CEMIP2: variants seen among roughly 807,000 people sequenced by gnomAD.
The protein encoded by CEMIP2 is cell migration inducing hyaluronidase 2.
In CEMIP2, 79 loss-of-function variants were observed where a neutral mutation model predicts 146.9. That is an observed-to-expected ratio of 0.54 (90% CI 0.45 to 0.65). The LOEUF is 0.65. Ranked by LOEUF, CEMIP2 falls within the 30% of genes least tolerant of loss-of-function variation. CEMIP2 has a pLI of 0.00. For missense variants in CEMIP2, 1,596 were observed against 1,696.2 expected, an observed-to-expected ratio of 0.94 and a Z score of 1.04; for synonymous variants, 601 against 606.3, an observed-to-expected ratio of 0.99 and a Z score of 0.13.
At chr9:71,739,920 T>G (rs112643618) in intron 5 of CEMIP2, 143 bp downstream of exon 5, 14,806 of 757,068 alleles carry the variant, frequency 0.02, 213 homozygotes, top group Non-Finnish European at 0.025. Flanking sequence ...TTAAGCACAG[T>G]AGGAAAACTA....
intron 12 of CEMIP2, among the ~76,000 whole-genome samples, chr9:71,721,059 T>C (rs1296956422): frequency 6.6e-6 from 1 of 152,072 alleles, no homozygotes; most frequent in East Asian, 1.9e-4. Context: ...TATTCACATA[T>C]ATACACATAC....
intron 21 of CEMIP2, among the ~76,000 whole-genome samples, chr9:71,692,260 A>G (rs1822251457): frequency 6.6e-6 from 1 of 151,602 alleles, no homozygotes; most frequent in Admixed American, 6.6e-5. Flanking sequence ...ACAGAGTCAA[A>G]CAATGTTTTC....
intron 4 of CEMIP2, among the ~76,000 whole-genome samples, chr9:71,742,759 C>T (rs950816400): frequency 6.6e-6 from 1 of 152,188 alleles, no homozygotes; most frequent in East Asian, 1.9e-4. Context: ...CATGCTTCCA[C>T]TCCTAGGTTT....
Position 71,725,572 on chromosome 9 carries a change from G to A in CEMIP2, c.2178+9C>T, listed in dbSNP as rs1490324715. 1 of 1,612,980 alleles carries A rather than the reference G, an allele frequency of 6.2e-7. No homozygotes were observed. Among genetic ancestry groups the A allele is most frequent in the East Asian group, 2.2e-5 (1 of 44,872 alleles). On this transcript the variant is annotated intron_variant, in intron 11 of 23. Transcript: ENST00000377044. ...CATATGTACTAATTGTTAAAACTTA[G>A]AAACCTACCTTAAAATTTGAATGGA... is the stretch of plus-strand genomic sequence containing the variant.
chr9:71,693,361 G>A (rs1266951920), intron 21 of CEMIP2, among the ~76,000 whole-genome samples: 3 of 152,208 alleles, frequency 2.0e-5, no homozygotes, highest in South Asian at 2.1e-4. Context: ...GTTCTCAGTG[G>A]CTAACCTTGC....
chr9:71,706,212 A>G (rs1031305314), intron 17 of CEMIP2, among the ~76,000 whole-genome samples: 9 of 150,002 alleles, frequency 6.0e-5, no homozygotes, highest in Non-Finnish European at 1.0e-4. Context: ...CTGGGTAACA[A>G]AAACAAAACT....
intron 10 of CEMIP2, among the ~76,000 whole-genome samples, chr9:71,728,320 T>TATATACAC (rs1823509811): frequency 3.0e-5 from 2 of 66,334 alleles, no homozygotes; most frequent in African/African-American, 1.4e-4. Context: ...TATATATACG[T>TATATACAC]ATATATATAT....
chr9:71,730,592 T>C, intron 8 of CEMIP2, 113 bp downstream of exon 8: 1 of 1,135,612 alleles, frequency 8.8e-7, no homozygotes, highest in South Asian at 1.6e-5. Context: ...AAAGGCAGGA[T>C]AGAGCAAGGC....
At chr9:71,696,394 G>T (rs4745115) in intron 20 of CEMIP2, among the ~76,000 whole-genome samples, 135,191 of 151,886 alleles carry the variant, frequency 0.89, 60,338 homozygotes, top group East Asian at 1. Flanking sequence ...CTGGTTGGTT[G>T]ATTTTTGATT....
intron 1 of CEMIP2, among the ~76,000 whole-genome samples, chr9:71,754,475 T>C (rs978034838): frequency 6.6e-6 from 1 of 152,196 alleles, no homozygotes; most frequent in Non-Finnish European, 1.5e-5. Context: ...TCAGTTTGTA[T>C]CACATGTTAT....
At chr9:71,723,354 TTA>T (rs1823296743) in intron 11 of CEMIP2, among the ~76,000 whole-genome samples, 1 of 96,416 alleles carries the variant, frequency 1.0e-5, no homozygotes. Context: ...GAAAGAGAAT[TTA>T]AAAAAAAAAA....
chr9:71,711,593 A>G (rs946819119), intron 16 of CEMIP2, among the ~76,000 whole-genome samples: 11 of 149,710 alleles, frequency 7.3e-5, no homozygotes, highest in African/African-American at 2.7e-4. Flanking sequence ...CCTGCCTCAA[A>G]GAAAAAAAAA....
intron 22 of CEMIP2, 130 bp from the exon 23 acceptor site, chr9:71,685,976 A>C (rs914864653): frequency 4.5e-6 from 3 of 673,826 alleles, no homozygotes; most frequent in Non-Finnish European, 7.5e-6. Context: ...AAAAGAAAAA[A>C]GTCTAGATGA....
intron 22 of CEMIP2, chr9:71,686,081 G>A (rs574716807): frequency 6.4e-5 from 29 of 453,516 alleles, no homozygotes; most frequent in Non-Finnish European, 9.5e-5. Flanking sequence ...AATCATTTAC[G>A]TACGTTCACC....
chr9:71,744,431 C>CT (rs143796533), intron 4 of CEMIP2, among the ~76,000 whole-genome samples: 10,079 of 152,124 alleles, frequency 0.066, 481 homozygotes, highest in South Asian at 0.19. Flanking sequence ...GAAATGAATT[C>CT]TACTATCTGG....
rs138607444 is a variant in CEMIP2 at position 71,734,294 on chromosome 9, G to T, written c.1393+512C>A. On this transcript the variant is annotated intron_variant, in intron 6 of 23. Coordinates refer to ENST00000377044, the MANE Select transcript of CEMIP2 (RefSeq NM_013390.3). ...TAAGAAATACTTCTATTAATAAATG[G>T]ATCTAATTCATCATTGGGTTTACTA... is the stretch of plus-strand genomic sequence containing the variant. 5.5e-3 allele frequency among the ~76,000 whole-genome samples: 833 copies of T among 151,548 alleles called. 2 individuals carry two copies. Among genetic ancestry groups the T allele is most frequent in the Non-Finnish European group, 9.4e-3 (639 of 67,920 alleles).
chr9:71,768,823 G>C (rs1824883701), upstream of CEMIP2: 1 of 150,310 alleles, frequency 6.7e-6, no homozygotes, highest in Admixed American at 6.6e-5. Flanking sequence ...CGGGCGCCGC[G>C]GCTTGCTAGG....
intron 13 of CEMIP2, among the ~76,000 whole-genome samples, chr9:71,717,350 C>T (rs990716026): frequency 2.0e-5 from 3 of 151,918 alleles, no homozygotes; most frequent in Non-Finnish European, 4.4e-5. Flanking sequence ...GATGAAAAAA[C>T]TCAGAAATGA....
chr9:71,759,265 T>C (rs1284954898), intron 1 of CEMIP2, among the ~76,000 whole-genome samples: 1 of 152,198 alleles, frequency 6.6e-6, no homozygotes, highest in Non-Finnish European at 1.5e-5. Flanking sequence ...ATCAGACTTC[T>C]AGATTCACAC....
Sources: allele counts gnomAD v4.1 joint callset (sites outside exome capture counted in the v4.1 genomes callset), GRCh38; gene constraint gnomAD v4.1.1; transcripts MANE v1.5; gene names NCBI Gene and HGNC (gene_info 2026-07-23, HGNC 2026-07-21).